Variants in SMCO1 observed in about 807,000 individuals in gnomAD.
SMCO1 encodes single-pass membrane protein with coiled-coil domains 1.
Under a neutral mutation model 7.5 loss-of-function variants are expected in SMCO1, and 9 were observed. The ratio of observed to expected loss-of-function variants is 1.20; its 90% CI spans 0.72 to 2.09. SMCO1 has a LOEUF of 2.09. SMCO1 is among the 30% of genes most tolerant of loss of function. SMCO1 has a pLI of 0.00. For missense variants in SMCO1, 219 were observed against 253.1 expected (o/e 0.87, Z 0.91); for synonymous variants, 90 against 93.8 (o/e 0.96, Z 0.23).
the SMCO1 span, among the ~76,000 whole-genome samples, chr3:196,520,755 T>A: frequency 1.3e-5 from 2 of 152,048 alleles, no homozygotes; most frequent in African/African-American, 4.8e-5. Flanking sequence ...AGCAGAAAAA[T>A]ATGGAGATGT....
At position 196,509,515 on chromosome 3, in the gene SMCO1, C is replaced by T. The variant is rs1011340659; in HGVS notation, c.200+5G>A. ...AATCCCACTGATTTCTCAATTGATA[C>T]TCACTGGAGTGCCCGAACTGCTGTC... On this transcript the variant is annotated splice_donor_5th_base_variant and intron_variant, in intron 2 of 2. Coordinates refer to ENST00000397537, the MANE Select transcript of SMCO1 (RefSeq NM_001077657.3). 6.2e-7 allele frequency: 1 copy of T among 1,605,774 alleles called. No homozygotes were observed. Among genetic ancestry groups the T allele is most frequent in the East Asian group, 2.2e-5 (1 of 44,724 alleles).
At chr3:196,514,607 C>T (rs1007900968) in intron 1 of SMCO1, among the ~76,000 whole-genome samples, 1 of 152,186 alleles carries the variant, frequency 6.6e-6, no homozygotes, top group Admixed American at 6.5e-5. Context: ...GGGCAGAAAC[C>T]ACATTTTACT....
At chr3:196,519,292 T>C (rs1733448220), upstream of SMCO1, among the ~76,000 whole-genome samples, 1 of 152,244 alleles carries the variant, frequency 6.6e-6, no homozygotes, top group Admixed American at 6.5e-5. Flanking sequence ...GTGAGGTCAC[T>C]CGCTACTAGT....
intron 1 of SMCO1, among the ~76,000 whole-genome samples, chr3:196,510,087 C>T (rs1577533317): frequency 6.6e-6 from 1 of 152,176 alleles, no homozygotes; most frequent in Non-Finnish European, 1.5e-5. Context: ...CCACCTCAGC[C>T]TCCCGAGTAG....
At position 196,508,041 on chromosome 3, in the gene SMCO1, T is replaced by C. The variant is rs1215158501; in HGVS notation, c.491A>G (p.Asp164Gly). 1 of 1,614,056 alleles carries C rather than the reference T, an allele frequency of 6.2e-7. No homozygotes were observed. Among genetic ancestry groups the C allele is most frequent in the African/African-American group, 1.3e-5 (1 of 74,928 alleles). ...CATGTTAGTAATTAGGAACGTGACATCCCTGATGTACATCTGCCTCACTTT... is the reference window on the plus strand; with the variant it reads ...CATGTTAGTAATTAGGAACGTGACACCCCTGATGTACATCTGCCTCACTTT... Reference protein sequence around the residue: ...TAKVRQMYIRDVTFLITNMVK... With the variant: ...TAKVRQMYIRGVTFLITNMVK... The change falls in exon 3 of 3, where the codon GAT (aspartate) becomes GGT (glycine). Residue 164 changes from aspartate to glycine, a missense_variant. Physicochemically the swap from Asp to Gly is moderately conservative, Grantham distance 94 (BLOSUM62 -1). Coordinates refer to ENST00000397537, the MANE Select transcript of SMCO1 (RefSeq NM_001077657.3).
At chr3:196,518,584 GAGACAAAGGACCCTGGCACA>G (rs569050910), upstream of SMCO1, among the ~76,000 whole-genome samples, 8 of 152,254 alleles carry the variant, frequency 5.3e-5, no homozygotes, top group South Asian at 1.7e-3. Flanking sequence ...CAAAGTGCTG[GAGACAAAGGACCCTGGCACA>G]AGACAAAGGA....
upstream of SMCO1, among the ~76,000 whole-genome samples, chr3:196,516,883 G>A (rs1198282866): frequency 6.6e-6 from 1 of 152,012 alleles, no homozygotes; most frequent in Non-Finnish European, 1.5e-5. Flanking sequence ...TAGATCACTT[G>A]AGGTCAGGAA....
At chr3:196,509,372 C>T in intron 2 of SMCO1, 148 bp downstream of exon 2, 1 of 796,012 alleles carries the variant, frequency 1.3e-6, no homozygotes. Context: ...CCAAATTAAT[C>T]TTTTTTTAAA....
intron 1 of SMCO1, 32 bp downstream of exon 1, chr3:196,515,128 A>G: frequency 6.2e-7 from 1 of 1,612,640 alleles, no homozygotes; most frequent in Non-Finnish European, 8.5e-7. Flanking sequence ...TAGCAGACCC[A>G]TGCTTGCTCC....
At chr3:196,517,335 AT>A (rs1253905477), upstream of SMCO1, among the ~76,000 whole-genome samples, 1 of 151,970 alleles carries the variant, frequency 6.6e-6, no homozygotes, top group Non-Finnish European at 1.5e-5. Flanking sequence ...TAGCCTCCAG[AT>A]GGGGCTGGTC....
At chr3:196,520,681 G>A in the SMCO1 span, among the ~76,000 whole-genome samples, 1 of 152,146 alleles carries the variant, frequency 6.6e-6, no homozygotes, top group Non-Finnish European at 1.5e-5. Flanking sequence ...TCAGGTGTTT[G>A]ATCTCACGTG....
chr3:196,515,983 GATAGGATAT>G (rs1288424124), upstream of SMCO1, among the ~76,000 whole-genome samples: 10,232 of 81,342 alleles, frequency 0.13, 964 homozygotes, highest in Non-Finnish European at 0.18. Flanking sequence ...CGGGCAAGAG[GATAGGATAT>G]ATATATATAT....
Position 196,508,141 on chromosome 3 carries a change from G to A in SMCO1, c.391C>T (p.Leu131=), listed in dbSNP as rs761486168. The A allele has an allele frequency of 8.1e-6, 13 of 1,613,982 alleles. No homozygotes were observed. Among genetic ancestry groups the A allele is most frequent in the Non-Finnish European group, 1.0e-5 (12 of 1,180,014 alleles). Residue 131 remains leucine, a synonymous_variant, in exon 3 of 3, where the codon CTG becomes TTG. Transcript: ENST00000397537. ...VWESILEECG[L]QEGDITALCT... is the part of the protein sequence containing the mutation. ...AGTGCTGTGATGTCTCCTTCTTGCA[G>A]CCCACACTCCTCCAGTATGGACTCC... is the stretch of plus-strand genomic sequence containing the variant.
chr3:196,510,262 C>T (rs1417711546), intron 1 of SMCO1, among the ~76,000 whole-genome samples: 1 of 152,134 alleles, frequency 6.6e-6, no homozygotes, highest in Non-Finnish European at 1.5e-5. Flanking sequence ...GCCACCATGC[C>T]CGGGCTATAC....
chr3:196,514,719 T>C (rs1733336264), intron 1 of SMCO1, among the ~76,000 whole-genome samples: 1 of 152,214 alleles, frequency 6.6e-6, no homozygotes, highest in Admixed American at 6.6e-5. Flanking sequence ...GGTTTGGGCC[T>C]GGAAGACTTA....
chr3:196,513,812 G>A (rs1200342571), intron 1 of SMCO1, among the ~76,000 whole-genome samples: 1 of 152,146 alleles, frequency 6.6e-6, no homozygotes, highest in Admixed American at 6.5e-5. Context: ...AGGACAGTCC[G>A]AGGCCGTTCC....
chr3:196,510,971 A>G (rs1236763396), intron 1 of SMCO1, among the ~76,000 whole-genome samples: 1 of 152,252 alleles, frequency 6.6e-6, no homozygotes, highest in Non-Finnish European at 1.5e-5. Flanking sequence ...CATGATCATC[A>G]GAGGCTGCTG....
chr3:196,516,092 T>C (rs1470943184), upstream of SMCO1, among the ~76,000 whole-genome samples: 3 of 141,364 alleles, frequency 2.1e-5, no homozygotes, highest in Non-Finnish European at 4.6e-5. Context: ...GTATATAAAA[T>C]ATATATATAA....
At chr3:196,517,423 C>T (rs1733414029), upstream of SMCO1, among the ~76,000 whole-genome samples, 1 of 152,090 alleles carries the variant, frequency 6.6e-6, no homozygotes, top group Non-Finnish European at 1.5e-5. Context: ...AATGAGTGAG[C>T]TGGAGATTAA....
Sources: allele counts gnomAD v4.1 joint callset (sites outside exome capture counted in the v4.1 genomes callset), GRCh38; gene constraint gnomAD v4.1.1; transcripts MANE v1.5; gene names NCBI Gene and HGNC (gene_info 2026-07-23, HGNC 2026-07-21).